NR2F1-AS1: variants seen among roughly 807,000 people sequenced by gnomAD.
NR2F1-AS1 encodes the protein NR2F1 regulatory antisense RNA 1.
intron 4 of NR2F1-AS1, among the ~76,000 whole-genome samples, chr5:93,476,406 A>G (rs1380547388): frequency 6.6e-6 from 1 of 152,164 alleles, no homozygotes; most frequent in Admixed American, 6.5e-5. Context: ...AGAGACATTT[A>G]AAATCTAGAT....
At chr5:93,563,945 A>G (rs914883275) in intron 1 of NR2F1-AS1, among the ~76,000 whole-genome samples, 1 of 151,504 alleles carries the variant, frequency 6.6e-6, no homozygotes, top group East Asian at 1.9e-4. Context: ...TACTAACAAT[A>G]CAAAAAATTA....
At chr5:93,558,355 C>T (rs1415594825) in intron 2 of NR2F1-AS1, among the ~76,000 whole-genome samples, 1 of 147,344 alleles carries the variant, frequency 6.8e-6, no homozygotes, top group Non-Finnish European at 1.5e-5. Context: ...GAATCTTGCT[C>T]TATCGCCCAG....
At chr5:93,534,761 AAGCT>A (rs1751805278) in intron 4 of NR2F1-AS1, among the ~76,000 whole-genome samples, 1 of 152,180 alleles carries the variant, frequency 6.6e-6, no homozygotes, top group Non-Finnish European at 1.5e-5. Flanking sequence ...GCCGGTGTAA[AAGCT>A]ATACCAAAAA....
Position 93,510,008 on chromosome 5 carries a change from T to C in NR2F1-AS1, n.638+43753A>G, listed in dbSNP as rs185809111. 1.1e-4 allele frequency among the ~76,000 whole-genome samples: 17 copies of C among 152,174 alleles called. No individual in the cohort carries two copies. The South Asian group carries it at 1.2e-3, about 11-fold the overall frequency. On this transcript the variant is annotated intron_variant and non_coding_transcript_variant, in intron 4 of 5. Coordinates refer to ENST00000660523, the Ensembl canonical transcript of NR2F1-AS1. Reference sequence around the variant, plus strand: ...GTAGAGTTCCTAATTTATGTGATGTTTTACAATTAATTTTCAAAGATCCAA... The same window carrying C: ...GTAGAGTTCCTAATTTATGTGATGTCTTACAATTAATTTTCAAAGATCCAA...
chr5:93,467,927 G>A (rs2149868160), intron 4 of NR2F1-AS1, among the ~76,000 whole-genome samples: 1 of 152,324 alleles, frequency 6.6e-6, no homozygotes, highest in Middle Eastern at 3.4e-3. Context: ...CTGTCCTTGT[G>A]ATAGTTTGCT....
intron 4 of NR2F1-AS1, among the ~76,000 whole-genome samples, chr5:93,413,691 C>A (rs1748909776): frequency 1.3e-5 from 2 of 151,954 alleles, no homozygotes; most frequent in African/African-American, 4.8e-5. Context: ...AACACGTGGG[C>A]AAGGATCTGA....
At chr5:93,495,084 T>C (rs1384314710) in intron 4 of NR2F1-AS1, among the ~76,000 whole-genome samples, 1 of 152,222 alleles carries the variant, frequency 6.6e-6, no homozygotes, top group East Asian at 1.9e-4. Context: ...TCAGCATTTA[T>C]TATATAAATA....
intron 4 of NR2F1-AS1, among the ~76,000 whole-genome samples, chr5:93,459,381 C>T (rs1750040510): frequency 6.6e-6 from 1 of 152,170 alleles, no homozygotes; most frequent in East Asian, 1.9e-4. Context: ...TGAGATATAA[C>T]TAGTCATAAT....
At chr5:93,432,915 T>C (rs1749355463) in intron 4 of NR2F1-AS1, among the ~76,000 whole-genome samples, 1 of 152,226 alleles carries the variant, frequency 6.6e-6, no homozygotes, top group African/African-American at 2.4e-5. Context: ...CCATTAGAAG[T>C]CATTTTTCAT....
chr5:93,520,966 C>T (rs1179271003), intron 4 of NR2F1-AS1, among the ~76,000 whole-genome samples: 3 of 152,058 alleles, frequency 2.0e-5, no homozygotes, highest in Admixed American at 2.0e-4. Context: ...ATTCCCTAAA[C>T]ACCCACTAAG....
chr5:93,538,561 T>C (rs1314502254), intron 4 of NR2F1-AS1, among the ~76,000 whole-genome samples: 3 of 152,154 alleles, frequency 2.0e-5, no homozygotes, highest in African/African-American at 4.8e-5. Context: ...CACGAAAGTG[T>C]TGAGCATGCC....
At chr5:93,417,868 T>C (rs992429110) in intron 4 of NR2F1-AS1, among the ~76,000 whole-genome samples, 21 of 152,068 alleles carry the variant, frequency 1.4e-4, no homozygotes, top group African/African-American at 5.1e-4. Context: ...ACACAGGGGA[T>C]TTTTTTTCTC....
chr5:93,547,148 T>TGTATGTATATGCATATGC (rs1752106388), intron 4 of NR2F1-AS1, among the ~76,000 whole-genome samples: 2 of 152,124 alleles, frequency 1.3e-5, no homozygotes, highest in Non-Finnish European at 2.9e-5. Context: ...CGTGGGTGTG[T>TGTATGTATATGCATATGC]GTATGTATAT....
intron 4 of NR2F1-AS1, among the ~76,000 whole-genome samples, chr5:93,427,048 G>T (rs1307784035): frequency 6.6e-6 from 1 of 152,120 alleles, no homozygotes; most frequent in African/African-American, 2.4e-5. Flanking sequence ...GTTAGTTAAG[G>T]AAGAAACAGT....
chr5:93,492,015 A>G (rs547923815), intron 4 of NR2F1-AS1, among the ~76,000 whole-genome samples: 2 of 152,286 alleles, frequency 1.3e-5, no homozygotes, highest in South Asian at 2.1e-4. Flanking sequence ...TTCTCTGGAG[A>G]ACCCTGACTA....
intron 4 of NR2F1-AS1, among the ~76,000 whole-genome samples, chr5:93,465,799 T>C (rs1022088896): frequency 2.6e-5 from 4 of 151,978 alleles, no homozygotes; most frequent in African/African-American, 9.7e-5. Flanking sequence ...CTGGAAACCA[T>C]CATTCCCAGC....
At chr5:93,502,992 T>C (rs977830917) in intron 4 of NR2F1-AS1, among the ~76,000 whole-genome samples, 3 of 152,138 alleles carry the variant, frequency 2.0e-5, no homozygotes, top group East Asian at 1.9e-4. Context: ...TGTTTACCTA[T>C]GGGAAAGGAG....
chr5:93,552,635 C>T (rs1580326760), intron 4 of NR2F1-AS1, among the ~76,000 whole-genome samples: 1 of 143,740 alleles, frequency 7.0e-6, no homozygotes. Flanking sequence ...TTTGTTTATA[C>T]TGTAAAGAAG....
At chr5:93,417,400 A>G (rs941792915) in intron 4 of NR2F1-AS1, among the ~76,000 whole-genome samples, 4 of 152,254 alleles carry the variant, frequency 2.6e-5, no homozygotes, top group African/African-American at 9.6e-5. Context: ...CAGTGACCTC[A>G]AAACTAAAAC....
Sources: gnomAD v4.1 joint callset for allele counts (sites outside exome capture counted in the v4.1 genomes callset) on GRCh38, gnomAD v4.1.1 for gene constraint, MANE v1.5 for transcripts, NCBI Gene and HGNC (gene_info 2026-07-23, HGNC 2026-07-21) for gene names.